Variants in ABHD12 observed in about 807,000 individuals in gnomAD.
ABHD12 encodes the protein lysophosphatidylserine lipase ABHD12.
A neutral mutation model predicts 58.3 loss-of-function variants in ABHD12; 43 were observed. The observed-to-expected ratio is 0.74, with a 90% CI of 0.58 to 0.95. ABHD12 has a LOEUF of 0.95. Ranked by LOEUF, ABHD12 falls within the 40% of genes least tolerant of loss-of-function variation. ABHD12 has a pLI of 0.00. For missense variants in ABHD12, 539 were observed against 537.2 expected (o/e 1.00, Z -0.03); for synonymous variants, 219 against 211.2 (o/e 1.04, Z -0.32).
chr20:25,335,975 AAAC>A (rs1226016060), intron 2 of ABHD12, among the ~76,000 whole-genome samples: 12 of 149,662 alleles, frequency 8.0e-5, no homozygotes, highest in Non-Finnish European at 1.3e-4. Flanking sequence ...AATAAAAAAA[AAAC>A]AAAAAACAAA....
intron 1 of ABHD12, among the ~76,000 whole-genome samples, chr20:25,379,374 AG>A (rs1386122067): frequency 6.6e-6 from 1 of 152,214 alleles, no homozygotes; most frequent in Non-Finnish European, 1.5e-5. Context: ...CTGCCCTCCT[AG>A]CAGATGGCCT....
At chr20:25,327,223 C>CT (rs1203555920) in intron 2 of ABHD12, among the ~76,000 whole-genome samples, 2 of 152,238 alleles carry the variant, frequency 1.3e-5, no homozygotes, top group Non-Finnish European at 2.9e-5. Context: ...AATCCCAGCA[C>CT]TTTGGGAGGC....
chr20:25,363,711 C>T (rs971436058), intron 1 of ABHD12, among the ~76,000 whole-genome samples: 3 of 151,764 alleles, frequency 2.0e-5, no homozygotes, highest in Admixed American at 6.6e-5. Flanking sequence ...CACTAAAATA[C>T]AAAATTAGCT....
chr20:25,382,229 C>T (rs986035159), intron 1 of ABHD12, among the ~76,000 whole-genome samples: 1 of 152,102 alleles, frequency 6.6e-6, no homozygotes, highest in Non-Finnish European at 1.5e-5. Context: ...TACAAAGGGG[C>T]TGAGGCCTAA....
At chr20:25,327,746 T>C (rs1183239494) in intron 2 of ABHD12, among the ~76,000 whole-genome samples, 1 of 152,194 alleles carries the variant, frequency 6.6e-6, no homozygotes, top group Non-Finnish European at 1.5e-5. Flanking sequence ...TGTTGTGGTT[T>C]AGGAGTCATG....
chr20:25,353,359 TCAAA>T (rs763329558), intron 1 of ABHD12, among the ~76,000 whole-genome samples: 6 of 151,716 alleles, frequency 4.0e-5, no homozygotes, highest in Non-Finnish European at 8.8e-5. Context: ...AGTAAATAAC[TCAAA>T]CAAAAAATTT....
chr20:25,306,938 T>C, intron 9 of ABHD12, 23 bp from the exon 10 acceptor site: 1 of 1,555,308 alleles, frequency 6.4e-7, no homozygotes, highest in Non-Finnish European at 8.9e-7. Flanking sequence ...TGGAAACCAT[T>C]TTCAGAAGCG....
intron 5 of ABHD12, 93 bp from the exon 6 acceptor site, chr20:25,315,063 C>A: frequency 7.6e-7 from 1 of 1,323,842 alleles, no homozygotes; most frequent in Non-Finnish European, 1.1e-6. Flanking sequence ...AACTTTCTCT[C>A]CTCTGCCTTG....
At chr20:25,376,274 C>G (rs986296528) in intron 1 of ABHD12, among the ~76,000 whole-genome samples, 1 of 152,192 alleles carries the variant, frequency 6.6e-6, no homozygotes, top group Non-Finnish European at 1.5e-5. Context: ...AAATCTCATT[C>G]CCCAAGACTA....
chr20:25,365,533 A>G (rs1353848508), intron 1 of ABHD12, among the ~76,000 whole-genome samples: 1 of 152,224 alleles, frequency 6.6e-6, no homozygotes, highest in Non-Finnish European at 1.5e-5. Flanking sequence ...CAGTGCTACA[A>G]TGAATCACTC....
chr20:25,359,616 C>G (rs1057151232), intron 1 of ABHD12, among the ~76,000 whole-genome samples: 3 of 151,800 alleles, frequency 2.0e-5, no homozygotes, highest in African/African-American at 7.3e-5. Flanking sequence ...GTCGCCCAGA[C>G]TGGAGTGCAG....
intron 1 of ABHD12, among the ~76,000 whole-genome samples, chr20:25,342,434 C>T (rs891014340): frequency 3.3e-5 from 5 of 150,914 alleles, no homozygotes; most frequent in Non-Finnish European, 7.4e-5. Context: ...CTTCACTTTA[C>T]TGCACTTTGC....
At chr20:25,355,329 C>T (rs1159755058) in intron 1 of ABHD12, among the ~76,000 whole-genome samples, 7 of 152,052 alleles carry the variant, frequency 4.6e-5, no homozygotes, top group African/African-American at 1.7e-4. Flanking sequence ...ACCCTGTCCC[C>T]AGTTTTAAGG....
chr20:25,380,125 G>A (rs946811003), intron 1 of ABHD12, among the ~76,000 whole-genome samples: 3 of 152,146 alleles, frequency 2.0e-5, no homozygotes, highest in African/African-American at 7.2e-5. Context: ...GCCCTTCAGT[G>A]TAATTCCCTT....
At chr20:25,388,787 C>CTTTTTTTTTTT (rs780031801) in intron 1 of ABHD12, among the ~76,000 whole-genome samples, 2 of 122,094 alleles carry the variant, frequency 1.6e-5, no homozygotes, top group Non-Finnish European at 3.3e-5. Context: ...TTGATTTTTT[C>CTTTTTTTTTTT]TTTTTTTTTT....
intron 1 of ABHD12, among the ~76,000 whole-genome samples, chr20:25,364,353 G>C (rs938537853): frequency 6.6e-6 from 1 of 152,208 alleles, no homozygotes; most frequent in African/African-American, 2.4e-5. Flanking sequence ...CTGCAGGCTA[G>C]ACAAGAAGCA....
At chr20:25,375,881 G>A (rs1023397517) in intron 1 of ABHD12, among the ~76,000 whole-genome samples, 1 of 152,170 alleles carries the variant, frequency 6.6e-6, no homozygotes, top group Non-Finnish European at 1.5e-5. Context: ...CCAGCACTTT[G>A]GGAGGCCAAG....
intron 1 of ABHD12, among the ~76,000 whole-genome samples, chr20:25,351,240 C>A (rs1273978706): frequency 2.6e-5 from 4 of 152,150 alleles, no homozygotes; most frequent in African/African-American, 9.7e-5. Context: ...TGGATTCCTG[C>A]CAGCAAAGAC....
intron 1 of ABHD12, among the ~76,000 whole-genome samples, chr20:25,361,392 T>C (rs1365745216): frequency 6.6e-6 from 1 of 151,926 alleles, no homozygotes; most frequent in Non-Finnish European, 1.5e-5. Flanking sequence ...AAACAGTCTA[T>C]GCGTGTTTTT....
Sources: gnomAD v4.1 joint callset for allele counts (sites outside exome capture counted in the v4.1 genomes callset) on GRCh38, gnomAD v4.1.1 for gene constraint, MANE v1.5 for transcripts, NCBI Gene and HGNC (gene_info 2026-07-23, HGNC 2026-07-21) for gene names.